The following KIF14 variants were observed in gnomAD, a reference collection of about 807,000 sequenced individuals.
KIF14 encodes kinesin family member 14.
In KIF14, 98 loss-of-function variants were observed where a neutral mutation model predicts 176.2. The observed-to-expected ratio is 0.56, with a 90% confidence interval of 0.47 to 0.66. KIF14 has a LOEUF of 0.66. Ranked by LOEUF, KIF14 falls within the 30% of genes least tolerant of loss-of-function variation. The probability of loss-of-function intolerance (pLI) is 0.00; values close to 1 mark genes in which losing one functional copy is unlikely to be tolerated. For synonymous variants in KIF14, 566 were observed against 632.2 expected (o/e 0.90, Z 1.57); for missense variants, 1,751 against 1,920.4 (o/e 0.91, Z 1.65).
At chr1:200,556,777 A>T (rs948385107) in intron 27 of KIF14, among the ~76,000 whole-genome samples, 8 of 152,162 alleles carry the variant, frequency 5.3e-5, no homozygotes, top group Non-Finnish European at 8.8e-5. Context: ...CACTTTGCAA[A>T]TATGGTGAAG....
In KIF14 at chr1:200,614,390, A is replaced by G. The variant is rs1054886766; in HGVS notation, c.1383T>C (p.Ser461=). The G allele has an allele frequency of 3.8e-6, 6 of 1,595,558 alleles. No individual in the cohort carries two copies. The African/African-American group carries it at 6.7e-5, about 18-fold the overall frequency. ...SGKSYTMMGF[S]EEPGIIPRFC... ...ATCTTGGAATTATTCCTGGTTCTTC[A>G]CTAAATCCCATCATCCTGAAAAATA... Residue 461 remains serine (S), a synonymous_variant, in exon 4 of 30, where the codon AGT becomes AGC. Transcript: ENST00000367350.
intron 21 of KIF14, among the ~76,000 whole-genome samples, chr1:200,576,335 G>A (rs1007499760): frequency 2.0e-5 from 3 of 151,998 alleles, no homozygotes; most frequent in South Asian, 2.1e-4. Flanking sequence ...AAAATTAGCC[G>A]GGCGTGGTAG....
In KIF14 at chr1:200,618,234, C is replaced by T. The variant is rs775632184; in HGVS notation, c.490G>A (p.Val164Ile). 2 of 1,613,896 alleles carry T rather than the reference C, an allele frequency of 1.2e-6. No individual in the cohort carries two copies. The highest frequency in any genetic ancestry group is 1.1e-5 in the South Asian group (1 of 91,086). Residue 164 changes from valine (V) to isoleucine (I), a missense_variant, in exon 2 of 30, where the codon GTA becomes ATA. Transcript: ENST00000367350. ...TTTTTAGCATTATTTACAATCCTTACATTTGTTCTACTTTCCTTAGAAACA... is the reference window on the plus strand; with the variant it reads ...TTTTTAGCATTATTTACAATCCTTATATTTGTTCTACTTTCCTTAGAAACA... ...NGVSKESRTN[V>I]RIVNNAKNSF...
rs35375679 is a variant in KIF14 at position 200,595,932 on chromosome 1, C to CAA, written c.2550-2165_2550-2164dup. ...GGGTGATAGAGTGAGACTCCATCTC[C>CAA]AAAAAAAAAAAAAAAAAAAAAGATA... On this transcript the variant is annotated intron_variant, in intron 14 of 29. Transcript: ENST00000367350. Among the ~76,000 whole-genome samples, 246 of 52,158 alleles carry CAA rather than the reference C, an allele frequency of 4.7e-3. 2 individuals carry two copies. Among genetic ancestry groups the CAA allele is most frequent in the African/African-American group, 0.014 (196 of 13,872 alleles). 34.2% of individuals were successfully genotyped at this position (52,158 alleles called of 152,430 possible).
intron 21 of KIF14, among the ~76,000 whole-genome samples, chr1:200,577,322 AAAAC>A (rs1331257258): frequency 2.7e-5 from 4 of 150,928 alleles, no homozygotes; most frequent in Non-Finnish European, 4.4e-5. Flanking sequence ...AGACTGTCTC[AAAAC>A]AAACAAACAA....
intron 2 of KIF14, among the ~76,000 whole-genome samples, chr1:200,616,236 TC>T (rs150022883): frequency 0.031 from 4,698 of 152,276 alleles, 119 homozygotes; most frequent in Non-Finnish European, 0.048. Context: ...CCCCGCTCCA[TC>T]CCTGACTCTG....
intron 13 of KIF14, among the ~76,000 whole-genome samples, chr1:200,599,585 CA>C (rs1299215895): frequency 2.0e-5 from 3 of 152,172 alleles, no homozygotes; most frequent in African/African-American, 7.2e-5. Context: ...TAGGTTCAAC[CA>C]TATGAAACTG....
rs192142548 is a variant in KIF14 at position 200,593,695 on chromosome 1, T to C, written c.2624A>G (p.His875Arg). 1.2e-6 allele frequency: 2 copies of C among 1,612,200 alleles called. No individual in the cohort carries two copies. Among genetic ancestry groups the C allele is most frequent in the Admixed American group, 1.7e-5 (1 of 60,002 alleles). The change falls in exon 15 of 30, where the codon CAT becomes CGT. Residue 875 changes from histidine (H) to arginine (R), a missense_variant. Physicochemically the swap from His to Arg is conservative, Grantham distance 29. Coordinates refer to ENST00000367350, the MANE Select transcript of KIF14 (RefSeq NM_014875.3). ...ACGTAATACTGTGATTTCCAAAATA[T>C]GTTTTCCATTTACATATGTCTTTGC... ...GEAKTYVNGK[H>R]ILEITVLRHG...
At chr1:200,571,507 A>C (rs1657790239) in intron 22 of KIF14, among the ~76,000 whole-genome samples, 1 of 152,178 alleles carries the variant, frequency 6.6e-6, no homozygotes, top group Non-Finnish European at 1.5e-5. Context: ...TCCTATGTCA[A>C]TGAAACTAAC....
At chr1:200,590,916 C>G (rs1250404771) in intron 16 of KIF14, among the ~76,000 whole-genome samples, 1 of 151,960 alleles carries the variant, frequency 6.6e-6, no homozygotes, top group Non-Finnish European at 1.5e-5. Context: ...GTCTCACATG[C>G]TCGGGAGGCT....
chr1:200,553,542 T>A lies in KIF14; in HGVS notation c.4793A>T (p.Asn1598Ile), dbSNP rs770453123. Residue 1598 changes from asparagine to isoleucine, a missense_variant, in exon 30 of 30, where the codon AAT becomes ATT. Coordinates refer to ENST00000367350, the MANE Select transcript of KIF14 (RefSeq NM_014875.3). ...PDLLKPWETY[N>I]QNTKEEHQQS... ...TTGGTGTTCTTCTTTGGTATTTTGA[T>A]TATAAGTTTCCCAGGGTTTCAACAA... 2.5e-6 allele frequency: 4 copies of A among 1,613,984 alleles called. No homozygotes were observed. The African/African-American group carries it at 5.3e-5, about 22-fold the overall frequency.
rs555283048 is a variant in KIF14, at chr1:200,554,626, A to G, written c.4429-20T>C. ...ACTTTTCTGTATAAATAAAGTTAATATTTAAAATAATACATTAACAGGCTC... is the reference window on the plus strand; with the variant it reads ...ACTTTTCTGTATAAATAAAGTTAATGTTTAAAATAATACATTAACAGGCTC... On this transcript the variant is annotated intron_variant, in intron 28 of 29. Transcript: ENST00000367350. 4.0e-5 allele frequency: 50 copies of G among 1,245,112 alleles called. No homozygotes were observed. The Admixed American group carries it at 9.8e-4, about 25-fold the overall frequency. The allele number at this position is 1,245,112 out of a possible 1,614,324, so 77.1% of individuals were successfully genotyped here.
At chr1:200,558,631 G>A (rs1472499003) in intron 27 of KIF14, among the ~76,000 whole-genome samples, 1 of 152,156 alleles carries the variant, frequency 6.6e-6, no homozygotes, top group Non-Finnish European at 1.5e-5. Flanking sequence ...ATTTACCACT[G>A]TTACATGTAA....
intron 9 of KIF14, 21 bp from the exon 10 acceptor site, chr1:200,603,362 A>T (rs778042471): frequency 1.0e-4 from 126 of 1,250,794 alleles, no homozygotes; most frequent in South Asian, 7.1e-4. Flanking sequence ...GAAAAAAAAA[A>T]TTTTTAACTT....
chr1:200,613,325 C>G (rs575479450), intron 4 of KIF14, among the ~76,000 whole-genome samples: 39 of 152,220 alleles, frequency 2.6e-4, no homozygotes, highest in Non-Finnish European at 5.3e-4. Flanking sequence ...CTGGAATATC[C>G]TTCTCCCCTT....
chr1:200,585,349 A>C (rs1658678624), intron 19 of KIF14, among the ~76,000 whole-genome samples: 1 of 152,154 alleles, frequency 6.6e-6, no homozygotes, highest in African/African-American at 2.4e-5. Context: ...TTAAATATAC[A>C]TAATTTTTAT....
In KIF14 at chr1:200,605,889, A is replaced by G. The variant is rs1659856520; in HGVS notation, c.1613T>C (p.Ile538Thr). The stretch of plus-strand genomic sequence containing the variant: ...CTGGATATCAGCGTAAGAACTGACA[A>G]TGTTCCTATTTTTAAGAAGTGAAAA... ...GPYVEALSMN[I>T]VSSYADIQSW... The change falls in exon 7 of 30, where the codon ATT (isoleucine) becomes ACT (threonine). Residue 538 changes from isoleucine (I) to threonine (T), a missense_variant. By Grantham distance (89) the Ile-to-Thr change is moderately conservative. Coordinates refer to ENST00000367350, the MANE Select transcript of KIF14 (RefSeq NM_014875.3). 1.3e-6 allele frequency: 2 copies of G among 1,530,260 alleles called. No homozygotes were observed. The highest frequency in any genetic ancestry group is 1.8e-6 in the Non-Finnish European group (2 of 1,134,502). 94.8% of individuals were successfully genotyped at this position (1,530,260 alleles called of 1,614,324 possible).
chr1:200,602,887 T>C (rs773199607), intron 10 of KIF14, among the ~76,000 whole-genome samples: 16 of 152,224 alleles, frequency 1.1e-4, no homozygotes, highest in Non-Finnish European at 2.4e-4. Flanking sequence ...CAGCCACAAA[T>C]AATAGTTAAG....
chr1:200,560,095 A>G (rs1657051214), intron 26 of KIF14, among the ~76,000 whole-genome samples: 1 of 152,174 alleles, frequency 6.6e-6, no homozygotes, highest in Non-Finnish European at 1.5e-5. Context: ...TGTTTTCAAT[A>G]GCATAACTAG....
Sources: gnomAD v4.1 joint callset for allele counts (sites outside exome capture counted in the v4.1 genomes callset) on GRCh38, gnomAD v4.1.1 for gene constraint, MANE v1.5 for transcripts, NCBI Gene and HGNC (gene_info 2026-07-23, HGNC 2026-07-21) for gene names.